The following CTNNB1 variants were observed in gnomAD, a reference collection of about 807,000 sequenced individuals.
CTNNB1 encodes catenin beta-1.
CTNNB1 carries 6 observed loss-of-function variants against 82.5 expected under a neutral mutation model. The ratio of observed to expected loss-of-function variants is 0.07; its 90% CI spans 0.04 to 0.14. The LOEUF is 0.14. CTNNB1 is among the 10% of genes least tolerant of loss of function. CTNNB1 has a pLI of 1.00. For missense variants in CTNNB1, 529 were observed against 980.4 expected, an observed-to-expected ratio of 0.54 and a Z score of 6.15; for synonymous variants, 312 against 329.7, an observed-to-expected ratio of 0.95 and a Z score of 0.58.
At chr3:41,209,048 A>G (rs2077716202) in intron 1 of CTNNB1, among the ~76,000 whole-genome samples, 1 of 152,188 alleles carries the variant, frequency 6.6e-6, no homozygotes, top group Non-Finnish European at 1.5e-5. Context: ...TGTTAGTAGT[A>G]TTTGGCACCA....
At chr3:41,238,243 C>T (rs2078487827) in intron 14 of CTNNB1, 167 bp downstream of exon 14, 3 of 658,848 alleles carry the variant, frequency 4.6e-6, no homozygotes, top group African/African-American at 3.6e-5. Context: ...TTTAATGGAG[C>T]ACAGGGAATT....
intron 7 of CTNNB1, among the ~76,000 whole-genome samples, chr3:41,229,519 G>A: frequency 6.6e-6 from 1 of 152,114 alleles, no homozygotes; most frequent in Non-Finnish European, 1.5e-5. Context: ...GATGTTGTTG[G>A]TGTCTAGAAA....
chr3:41,239,393 TTA>T lies in CTNNB1; in HGVS notation c.*52_*53del. 1 of 1,506,668 alleles carries T rather than the reference TTA, an allele frequency of 6.6e-7. No homozygotes were observed. The allele number at this position is 1,506,668 out of a possible 1,614,324, so 93.3% of individuals were successfully genotyped here. On this transcript the variant is annotated 3_prime_UTR_variant, in exon 15 of 15. Transcript: ENST00000349496. Reference sequence around the variant, plus strand: ...AAAAGCCAGTTTGGGTAAAATACTTTTACTCTGCCTACAGAACTTCAGAAAGA... The same window carrying T: ...AAAAGCCAGTTTGGGTAAAATACTTTCTCTGCCTACAGAACTTCAGAAAGA...
At chr3:41,220,846 A>G (rs1281036743) in intron 1 of CTNNB1, 1 of 152,230 alleles carries the variant, frequency 6.6e-6, no homozygotes, top group Non-Finnish European at 1.5e-5. Flanking sequence ...CTTACTGAAA[A>G]CTAAGGTAAT....
Position 41,207,646 on chromosome 3 carries a change from T to C in CTNNB1, c.-49+7976T>C, listed in dbSNP as rs969061168. Reference sequence around the variant, plus strand: ...ACACTGGCTCTTCTGTTTTAACTCTTATCCCCCAGACTCTAATCCTGTTGC... The same window carrying C: ...ACACTGGCTCTTCTGTTTTAACTCTCATCCCCCAGACTCTAATCCTGTTGC... On this transcript the variant is annotated intron_variant, in intron 1 of 14. Transcript: ENST00000349496. 2.6e-5 allele frequency among the ~76,000 whole-genome samples: 4 copies of C among 152,226 alleles called. No homozygotes were observed. The East Asian group carries it at 7.7e-4, about 29-fold the overall frequency.
intron 1 of CTNNB1, chr3:41,200,243 C>T (rs1052786131): frequency 5.3e-5 from 8 of 152,132 alleles, no homozygotes; most frequent in African/African-American, 1.9e-4. Flanking sequence ...TTTTTTAATG[C>T]CCTGGCTATG....
At chr3:41,216,137 C>T (rs1376679248) in intron 1 of CTNNB1, among the ~76,000 whole-genome samples, 1 of 152,154 alleles carries the variant, frequency 6.6e-6, no homozygotes, top group Non-Finnish European at 1.5e-5. Context: ...TACTGCTAAT[C>T]AGTTTTCTTG....
chr3:41,239,206 A>T lies in CTNNB1; in HGVS notation c.2210A>T (p.His737Leu), dbSNP rs746895877. 6.2e-7 allele frequency: 1 copy of T among 1,614,180 alleles called. No individual in the cohort carries two copies. Among genetic ancestry groups the T allele is most frequent in the Non-Finnish European group, 8.5e-7 (1 of 1,180,026 alleles). The change falls in exon 15 of 15, where the codon CAT becomes CTT. Residue 737 changes from histidine (H) to leucine (L), a missense_variant. Physicochemically the swap from His to Leu is moderately conservative, Grantham distance 99 (BLOSUM62 -3). Coordinates refer to ENST00000349496, the MANE Select transcript of CTNNB1 (RefSeq NM_001904.4). ...TTGGGTATGGACCCCATGATGGAAC[A>T]TGAGATGGGTGGCCACCACCCTGGT... is the stretch of plus-strand genomic sequence containing the variant. ...DALGMDPMME[H>L]EMGGHHPGAD...
chr3:41,230,414 CTT>C (rs1380185515), intron 7 of CTNNB1, among the ~76,000 whole-genome samples: 1 of 152,126 alleles, frequency 6.6e-6, no homozygotes, highest in South Asian at 2.1e-4. Flanking sequence ...GCTTAGGAAT[CTT>C]TAAGTTCTTC....
chr3:41,202,043 G>T (rs1041705817), intron 1 of CTNNB1, among the ~76,000 whole-genome samples: 14 of 152,110 alleles, frequency 9.2e-5, no homozygotes, highest in African/African-American at 2.7e-4. Context: ...GGGGAGAGGC[G>T]CATGCTAAGT....
At chr3:41,215,968 C>T (rs900518676) in intron 1 of CTNNB1, among the ~76,000 whole-genome samples, 3 of 152,130 alleles carry the variant, frequency 2.0e-5, no homozygotes, top group African/African-American at 7.2e-5. Context: ...TGGCTAACCC[C>T]TGTCTTTCAT....
chr3:41,217,349 T>G (rs1212447813), intron 1 of CTNNB1, among the ~76,000 whole-genome samples: 1 of 152,206 alleles, frequency 6.6e-6, no homozygotes, highest in East Asian at 1.9e-4. Flanking sequence ...AATTGCTTAA[T>G]TCCCTAACAG....
intron 6 of CTNNB1, among the ~76,000 whole-genome samples, chr3:41,226,716 G>A (rs1243067277): frequency 6.6e-6 from 1 of 152,104 alleles, no homozygotes; most frequent in African/African-American, 2.4e-5. Context: ...TTGGGGCAGT[G>A]TTGAAAGGGA....
chr3:41,204,644 T>C (rs1041463651), intron 1 of CTNNB1, among the ~76,000 whole-genome samples: 3 of 152,198 alleles, frequency 2.0e-5, no homozygotes, highest in Non-Finnish European at 4.4e-5. Context: ...CTGATTTCTT[T>C]CCCCTAAGTG....
chr3:41,224,526 C>G lies in CTNNB1; in HGVS notation c.14C>G (p.Ala5Gly), dbSNP rs1448779783. The change falls in exon 3 of 15, where the codon GCT (alanine) becomes GGT (glycine). Residue 5 changes from alanine to glycine, a missense_variant and splice_region_variant. Transcript: ENST00000349496. ...TGCTAATACTGTTTCGTATTTATAG[C>G]TGATTTGATGGAGTTGGACATGGCC... Reference protein sequence around the residue: MATQADLMELDMAME... With the variant: MATQGDLMELDMAME... 6.2e-7 allele frequency: 1 copy of G among 1,613,022 alleles called. No individual in the cohort carries two copies. The highest frequency in any genetic ancestry group is 8.5e-7 in the Non-Finnish European group (1 of 1,179,296).
At chr3:41,208,560 A>G (rs1285594375) in intron 1 of CTNNB1, among the ~76,000 whole-genome samples, 1 of 152,152 alleles carries the variant, frequency 6.6e-6, no homozygotes, top group Non-Finnish European at 1.5e-5. Context: ...TATCTATCCA[A>G]GCTTTTCCCT....
intron 7 of CTNNB1, among the ~76,000 whole-genome samples, chr3:41,232,526 T>G (rs1241269697): frequency 1.3e-5 from 2 of 151,962 alleles, no homozygotes; most frequent in Non-Finnish European, 2.9e-5. Flanking sequence ...GAAAAGTATC[T>G]CTTACTGCAT....
chr3:41,211,483 C>T (rs1048790164), intron 1 of CTNNB1, among the ~76,000 whole-genome samples: 2 of 152,138 alleles, frequency 1.3e-5, no homozygotes, highest in Admixed American at 1.3e-4. Context: ...TTGAACCAGT[C>T]ACCCAGGTAG....
intron 1 of CTNNB1, among the ~76,000 whole-genome samples, chr3:41,219,534 CAAAT>C (rs1305164576): frequency 6.6e-6 from 1 of 152,118 alleles, no homozygotes; most frequent in Non-Finnish European, 1.5e-5. Flanking sequence ...TTACATGTAG[CAAAT>C]AAATAAGCAT....
Sources: gnomAD v4.1 joint callset for allele counts (sites outside exome capture counted in the v4.1 genomes callset) on GRCh38, gnomAD v4.1.1 for gene constraint, MANE v1.5 for transcripts, NCBI Gene and HGNC (gene_info 2026-07-23, HGNC 2026-07-21) for gene names.